ARHGAP29: variants seen among roughly 807,000 people sequenced by gnomAD.
ARHGAP29 encodes Rho GTPase activating protein 29, also known as rho GTPase-activating protein 29.
ARHGAP29 carries 43 observed loss-of-function variants against 122.6 expected under a neutral mutation model. That is an observed-to-expected ratio of 0.35 (90% CI 0.27 to 0.45). The LOEUF is 0.45. Ranked by LOEUF, ARHGAP29 falls within the 20% of genes least tolerant of loss-of-function variation. The pLI is 1.00. For missense variants in ARHGAP29, 1,303 were observed against 1,477.2 expected (o/e 0.88, Z 1.93); for synonymous variants, 506 against 497.1 (o/e 1.02, Z -0.24).
the ARHGAP29 span, among the ~76,000 whole-genome samples, chr1:94,298,497 A>G: frequency 1.3e-5 from 2 of 152,192 alleles, no homozygotes; most frequent in Non-Finnish European, 2.9e-5. Context: ...CGTGAGGATT[A>G]CCTGTATTCA....
At chr1:94,224,191 G>T (rs1366942743) in intron 2 of ARHGAP29, among the ~76,000 whole-genome samples, 3 of 152,156 alleles carry the variant, frequency 2.0e-5, no homozygotes, top group Non-Finnish European at 4.4e-5. Flanking sequence ...ACTAAATAAA[G>T]TTGGTATATG....
intron 12 of ARHGAP29, chr1:94,193,912 T>C (rs1314821386): frequency 6.6e-6 from 1 of 152,196 alleles, no homozygotes; most frequent in Non-Finnish European, 1.5e-5. Flanking sequence ...TTATAATATG[T>C]ATGACTTTTA....
At chr1:94,268,241 A>C (rs1022962782) in intron 1 of ARHGAP29, among the ~76,000 whole-genome samples, 1 of 152,190 alleles carries the variant, frequency 6.6e-6, no homozygotes, top group Non-Finnish European at 1.5e-5. Context: ...TTTCAAAGAT[A>C]TCCGCTTTAC....
In ARHGAP29 at chr1:94,172,133, A is replaced by G. The variant is rs1006371968; in HGVS notation, c.*1736T>C. Reference sequence around the variant, plus strand: ...CTGACAGCCCTATGTTTGAGATTTGACTCCACCTGTTACACCTGTGGAACA... The same window carrying G: ...CTGACAGCCCTATGTTTGAGATTTGGCTCCACCTGTTACACCTGTGGAACA... On this transcript the variant is annotated 3_prime_UTR_variant, in exon 23 of 23. Transcript: ENST00000260526. 1.3e-5 allele frequency: 2 copies of G among 152,136 alleles called. No homozygotes were observed. The highest frequency in any genetic ancestry group is 2.9e-5 in the Non-Finnish European group (2 of 68,026). The allele number at this position is 152,136 out of a possible 1,614,324, so 9.4% of individuals were successfully genotyped here.
chr1:94,273,263 A>T (rs889710631), intron 1 of ARHGAP29, among the ~76,000 whole-genome samples: 17 of 152,210 alleles, frequency 1.1e-4, no homozygotes, highest in Non-Finnish European at 2.4e-4. Context: ...AGTAAATATC[A>T]AATGAGTCAG....
intron 1 of ARHGAP29, among the ~76,000 whole-genome samples, chr1:94,233,894 C>CA (rs1653090968): frequency 6.6e-6 from 1 of 152,142 alleles, no homozygotes. Context: ...CATAATAGGT[C>CA]ATGACCCTAC....
chr1:94,205,627 A>G lies in ARHGAP29; in HGVS notation c.559+8T>C. 1 of 1,611,268 alleles carries G rather than the reference A, an allele frequency of 6.2e-7. No individual in the cohort carries two copies. Among genetic ancestry groups the G allele is most frequent in the Non-Finnish European group, 8.5e-7 (1 of 1,178,562 alleles). On this transcript the variant is annotated splice_region_variant and intron_variant, in intron 6 of 22. Transcript: ENST00000260526. The stretch of plus-strand genomic sequence containing the variant: ...TTTGTGAAAAGTTATAAACACCTTG[A>G]GCATTACCTTTTTCACTGGATGAGT...
At chr1:94,299,804 C>T in the ARHGAP29 span, among the ~76,000 whole-genome samples, 1 of 152,066 alleles carries the variant, frequency 6.6e-6, no homozygotes. Flanking sequence ...GGCTGTCTTC[C>T]TGTGTTTGGA....
chr1:94,313,267 T>C, the ARHGAP29 span, among the ~76,000 whole-genome samples: 3 of 152,186 alleles, frequency 2.0e-5, no homozygotes, highest in South Asian at 6.2e-4. Context: ...ATGGCTTGCT[T>C]CTTCCTCTCA....
At position 94,174,164 on chromosome 1, in the gene ARHGAP29, G is replaced by A. The variant is rs1216092550; in HGVS notation, c.3491C>T (p.Thr1164Ile). Residue 1164 changes from threonine (T) to isoleucine (I), a missense_variant, in exon 23 of 23, where the codon ACA becomes ATA. Transcript: ENST00000260526. ...APRTLQPQHW[T>I]TFYKPHAPII... ...GGGAGCATGTGGTTTATAAAATGTT[G>A]TCCAATGTTGAGGCTGCAGTGTTCT... The A allele has an allele frequency of 6.2e-7, 1 of 1,614,140 alleles. No homozygotes were observed. Among genetic ancestry groups the A allele is most frequent in the South Asian group, 1.1e-5 (1 of 91,078 alleles).
At chr1:94,177,502 A>C in intron 22 of ARHGAP29, 110 bp downstream of exon 22, 1 of 742,850 alleles carries the variant, frequency 1.3e-6, no homozygotes, top group Non-Finnish European at 2.1e-6. Context: ...TTAACTAATA[A>C]AGCTTCATTC....
chr1:94,223,147 T>C (rs1402121683), intron 2 of ARHGAP29, among the ~76,000 whole-genome samples: 2 of 152,292 alleles, frequency 1.3e-5, no homozygotes, highest in African/African-American at 4.8e-5. Flanking sequence ...GGTTTCACTG[T>C]GTTAGCCAGG....
At chr1:94,283,993 GA>G in the ARHGAP29 span, among the ~76,000 whole-genome samples, 3 of 150,220 alleles carry the variant, frequency 2.0e-5, no homozygotes, top group Non-Finnish European at 4.4e-5. Flanking sequence ...TCTTGAACAT[GA>G]AAAAAATGAA....
At chr1:94,240,514 G>A (rs939521685), upstream of ARHGAP29, among the ~76,000 whole-genome samples, 12 of 152,072 alleles carry the variant, frequency 7.9e-5, no homozygotes, top group Non-Finnish European at 1.0e-4. Context: ...CTGCAAGTCC[G>A]AAATTCTTGG....
intron 1 of ARHGAP29, among the ~76,000 whole-genome samples, chr1:94,252,973 CTTTATTTTTTT>C (rs1302687351): frequency 6.6e-6 from 1 of 151,838 alleles, no homozygotes; most frequent in Non-Finnish European, 1.5e-5. Flanking sequence ...CTTCATTCTC[CTTTATTTTTTT>C]TTTTGAGACA....
upstream of ARHGAP29, among the ~76,000 whole-genome samples, chr1:94,278,405 A>G (rs566835975): frequency 6.6e-6 from 1 of 152,334 alleles, no homozygotes; most frequent in East Asian, 1.9e-4. Context: ...AACATACCCA[A>G]TTCTAATTCT....
At chr1:94,308,298 G>C in the ARHGAP29 span, among the ~76,000 whole-genome samples, 25 of 152,274 alleles carry the variant, frequency 1.6e-4, no homozygotes, top group African/African-American at 5.8e-4. Flanking sequence ...AAAGATGGTA[G>C]TAGTAAGGTT....
upstream of ARHGAP29, among the ~76,000 whole-genome samples, chr1:94,241,528 A>C (rs1653571436): frequency 6.6e-6 from 1 of 151,732 alleles, no homozygotes; most frequent in Non-Finnish European, 1.5e-5. Flanking sequence ...AAGGCAGTAG[A>C]ATCGCTTGAA....
intron 16 of ARHGAP29, among the ~76,000 whole-genome samples, chr1:94,186,199 C>G (rs962919802): frequency 1.3e-5 from 2 of 152,144 alleles, no homozygotes; most frequent in African/African-American, 4.8e-5. Flanking sequence ...AACACTAAGT[C>G]ACAGTATTAG....
Sources: allele counts gnomAD v4.1 joint callset (sites outside exome capture counted in the v4.1 genomes callset), GRCh38; gene constraint gnomAD v4.1.1; transcripts MANE v1.5; gene names NCBI Gene and HGNC (gene_info 2026-07-23, HGNC 2026-07-21).